The following KIAA1328 variants were observed in gnomAD, a reference collection of about 807,000 sequenced individuals.
KIAA1328 encodes the protein protein hinderin.
KIAA1328 carries 52 observed loss-of-function variants against 68.1 expected under a neutral mutation model. The ratio of observed to expected loss-of-function variants is 0.76; its 90% CI spans 0.61 to 0.96. The LOEUF (loss-of-function observed/expected upper bound fraction) is 0.96, where lower values mean the gene tolerates loss of function less well. KIAA1328 is among the 40% of genes least tolerant of loss of function. The probability of loss-of-function intolerance (pLI) is 0.00; values close to 1 mark genes in which losing one functional copy is unlikely to be tolerated. For missense variants in KIAA1328, 641 were observed against 677.6 expected (o/e 0.95, Z 0.60); for synonymous variants, 232 against 239.4 (o/e 0.97, Z 0.28).
intron 8 of KIAA1328, among the ~76,000 whole-genome samples, chr18:37,169,211 G>T (rs934918980): frequency 9.3e-5 from 14 of 150,866 alleles, no homozygotes; most frequent in Non-Finnish European, 1.5e-4. Context: ...TGTCGCCCGG[G>T]CTGGAGTGCA....
chr18:36,982,864 G>T (rs1259569750), intron 6 of KIAA1328, among the ~76,000 whole-genome samples: 1 of 151,866 alleles, frequency 6.6e-6, no homozygotes, highest in Non-Finnish European at 1.5e-5. Context: ...GAAAAATGAA[G>T]GTATTTTGTT....
Position 37,160,216 on chromosome 18 carries a change from T to G in KIAA1328, c.1249T>G (p.Cys417Gly). ...TTCTTTCAGTTTATTGAAGTCAAAC[T>G]GTGATGGCTGGCTGCTTGGAACATC... The part of the protein sequence containing the change: ...LDYNCLLKSN[C>G]DGWLLGTSSS... Residue 417 changes from cysteine to glycine, a missense_variant, in exon 8 of 10, where the codon TGT becomes GGT. Physicochemically the swap from Cys to Gly is radical, Grantham distance 159. Transcript: ENST00000280020. The G allele has an allele frequency of 6.2e-7, 1 of 1,612,490 alleles. No homozygotes were observed. Among genetic ancestry groups the G allele is most frequent in the Non-Finnish European group, 8.5e-7 (1 of 1,179,170 alleles).
chr18:36,951,773 T>C (rs1039052228), intron 5 of KIAA1328, among the ~76,000 whole-genome samples: 1 of 152,218 alleles, frequency 6.6e-6, no homozygotes, highest in African/African-American at 2.4e-5. Flanking sequence ...GTTCATAAGC[T>C]GACATTGCCT....
intron 6 of KIAA1328, among the ~76,000 whole-genome samples, chr18:36,970,055 T>G (rs2052119145): frequency 6.6e-6 from 1 of 152,210 alleles, no homozygotes; most frequent in African/African-American, 2.4e-5. Context: ...GTGAAAATCC[T>G]CAATAAAATA....
intron 4 of KIAA1328, among the ~76,000 whole-genome samples, chr18:36,883,580 G>A (rs2048390527): frequency 6.6e-6 from 1 of 152,160 alleles, no homozygotes; most frequent in African/African-American, 2.4e-5. Context: ...TAAAGATACT[G>A]TTTAAAATGT....
At chr18:36,940,403 T>A (rs779726011) in intron 5 of KIAA1328, among the ~76,000 whole-genome samples, 5 of 152,216 alleles carry the variant, frequency 3.3e-5, no homozygotes, top group Non-Finnish European at 4.4e-5. Flanking sequence ...AGTTTTTCTC[T>A]TTTTATGGCA....
At chr18:36,953,797 C>T (rs903040030) in intron 5 of KIAA1328, among the ~76,000 whole-genome samples, 1 of 151,866 alleles carries the variant, frequency 6.6e-6, no homozygotes, top group African/African-American at 2.4e-5. Context: ...CTAGTTGTCC[C>T]AATAATGTCT....
chr18:37,036,046 T>G (rs1166566276), intron 6 of KIAA1328, among the ~76,000 whole-genome samples: 1 of 152,186 alleles, frequency 6.6e-6, no homozygotes, highest in Non-Finnish European at 1.5e-5. Flanking sequence ...CAGATTTAGA[T>G]TTAAGAATAG....
chr18:36,878,294 G>C (rs1276549951), intron 4 of KIAA1328, among the ~76,000 whole-genome samples: 3 of 152,108 alleles, frequency 2.0e-5, no homozygotes, highest in Non-Finnish European at 4.4e-5. Context: ...GCTTAGTTTG[G>C]CTGGATATGA....
intron 5 of KIAA1328, among the ~76,000 whole-genome samples, chr18:36,928,120 A>AT (rs972831243): frequency 8.6e-5 from 13 of 152,010 alleles, no homozygotes; most frequent in Admixed American, 1.3e-4. Flanking sequence ...TGTTTTTTTT[A>AT]TTTTTTTTAT....
intron 6 of KIAA1328, among the ~76,000 whole-genome samples, chr18:37,026,792 C>T (rs2054600864): frequency 6.6e-6 from 1 of 152,182 alleles, no homozygotes; most frequent in East Asian, 1.9e-4. Context: ...AAACTGGAAG[C>T]ATTCCCTTTG....
chr18:37,149,963 A>T (rs1369234908), intron 7 of KIAA1328, among the ~76,000 whole-genome samples: 1 of 152,224 alleles, frequency 6.6e-6, no homozygotes, highest in Non-Finnish European at 1.5e-5. Context: ...TTTTTAAGTA[A>T]TGAAGGAATG....
intron 7 of KIAA1328, among the ~76,000 whole-genome samples, chr18:37,105,916 C>CAAAAAAAAAAAAAA (rs58940699): frequency 0.01 from 200 of 19,496 alleles, 25 homozygotes; most frequent in Non-Finnish European, 0.017. Flanking sequence ...GACTCTGTGT[C>CAAAAAAAAAAAAAA]AAAAAAAAAA....
At chr18:37,122,020 T>C (rs537216338) in intron 7 of KIAA1328, among the ~76,000 whole-genome samples, 3 of 152,250 alleles carry the variant, frequency 2.0e-5, no homozygotes, top group Middle Eastern at 6.8e-3. Flanking sequence ...GTTGGCATGA[T>C]GTTTTTAAAC....
chr18:36,849,341 T>TATACAACC (rs1409923351), intron 4 of KIAA1328, among the ~76,000 whole-genome samples: 1 of 152,022 alleles, frequency 6.6e-6, no homozygotes, highest in Non-Finnish European at 1.5e-5. Flanking sequence ...CTCACAGTGT[T>TATACAACC]ATACAACCAT....
chr18:37,068,428 A>G (rs986739077), intron 7 of KIAA1328, among the ~76,000 whole-genome samples: 1 of 152,224 alleles, frequency 6.6e-6, no homozygotes, highest in Non-Finnish European at 1.5e-5. Flanking sequence ...TTCAAAAGAT[A>G]AATTGCTGTT....
At position 36,959,360 on chromosome 18, in the gene KIAA1328, A is replaced by G; in HGVS notation, c.501A>G (p.Lys167=). 2 of 1,607,682 alleles carry G rather than the reference A, an allele frequency of 1.2e-6. No individual in the cohort carries two copies. Among genetic ancestry groups the G allele is most frequent in the East Asian group, 2.2e-5 (1 of 44,778 alleles). Residue 167 remains lysine, a synonymous_variant, in exon 6 of 10, where the codon AAA becomes AAG. Coordinates refer to ENST00000280020, the MANE Select transcript of KIAA1328 (RefSeq NM_020776.3). The stretch of plus-strand genomic sequence containing the variant: ...AAGAACTTCTAAGCCTGTATCAGAA[A>G]TATTTATCAGAACAACAGGAGAAGC... ...ECQELLSLYQ[K]YLSEQQEKLT...
rs546530375 is a variant in KIAA1328 at position 36,848,932 on chromosome 18, T to G, written c.332+4630T>G. On this transcript the variant is annotated intron_variant, in intron 4 of 9. Transcript: ENST00000280020. Reference sequence around the variant, plus strand: ...TCATTTGGTCATGTTTTGTTTTTTGTTTTTATTTTTACTCTGTTGAATTGA... The same window carrying G: ...TCATTTGGTCATGTTTTGTTTTTTGGTTTTATTTTTACTCTGTTGAATTGA... Among the ~76,000 whole-genome samples the G allele has an allele frequency of 2.7e-4, 41 of 151,926 alleles. No homozygotes were observed. The South Asian group carries it at 5.8e-3, about 22-fold the overall frequency.
chr18:37,102,467 A>G (rs1268902213), intron 7 of KIAA1328, among the ~76,000 whole-genome samples: 1 of 152,234 alleles, frequency 6.6e-6, no homozygotes, highest in Admixed American at 6.5e-5. Flanking sequence ...ACATCAACAA[A>G]ACAACGGATA....
Sources: gnomAD v4.1 joint callset for allele counts (sites outside exome capture counted in the v4.1 genomes callset) on GRCh38, gnomAD v4.1.1 for gene constraint, MANE v1.5 for transcripts, NCBI Gene and HGNC (gene_info 2026-07-23, HGNC 2026-07-21) for gene names.